Variants in PCDHGB6 observed in about 807,000 individuals in gnomAD.
PCDHGB6 encodes the protein protocadherin gamma subfamily B, 6.
PCDHGB6 carries 51 observed loss-of-function variants against 59.1 expected under a neutral mutation model. The observed-to-expected ratio is 0.86, with a 90% CI of 0.69 to 1.09. The LOEUF is 1.09. Among genes scored for constraint, PCDHGB6 ranks in the 50% least tolerant of loss-of-function variants. The pLI, the probability that PCDHGB6 is intolerant of heterozygous loss-of-function variation, is 0.00. For missense variants in PCDHGB6, 1,148 were observed against 1,205.1 expected, an observed-to-expected ratio of 0.95 and a Z score of 0.70; for synonymous variants, 466 against 495.1, an observed-to-expected ratio of 0.94 and a Z score of 0.78.
At chr5:141,426,919 C>T (rs1220443930) in intron 1 of PCDHGB6, 1 of 456,620 alleles carries the variant, frequency 2.2e-6, no homozygotes, top group African/African-American at 2.0e-5. Flanking sequence ...GTCCTGGAAG[C>T]AATGGACATG....
intron 1 of PCDHGB6, among the ~76,000 whole-genome samples, chr5:141,430,064 A>T (rs1482609618): frequency 6.6e-6 from 1 of 152,190 alleles, no homozygotes; most frequent in Non-Finnish European, 1.5e-5. Flanking sequence ...TATCATTTTT[A>T]GGTTTCCATA....
intron 1 of PCDHGB6, chr5:141,417,860 A>G (rs1168739756): frequency 7.7e-6 from 12 of 1,549,390 alleles, no homozygotes; most frequent in African/African-American, 1.4e-5. Flanking sequence ...CGAGCGAACG[A>G]TGGGAGGGAG....
intron 1 of PCDHGB6, chr5:141,471,546 G>T (rs1271594387): frequency 6.6e-6 from 1 of 152,202 alleles, no homozygotes; most frequent in African/African-American, 2.4e-5. Flanking sequence ...AGCATTTAAG[G>T]TTGCTTTGAC....
At chr5:141,414,476 C>T (rs1242647918) in intron 1 of PCDHGB6, 1 of 1,613,802 alleles carries the variant, frequency 6.2e-7, no homozygotes, top group African/African-American at 1.3e-5. Flanking sequence ...GGGGGAAGTC[C>T]TCCTCTATCA....
At chr5:141,430,713 T>G in intron 1 of PCDHGB6, 1 of 1,481,944 alleles carries the variant, frequency 6.7e-7, no homozygotes, top group Non-Finnish European at 9.0e-7. Context: ...GCTCCTGACT[T>G]CAGTGGTTAA....
chr5:141,430,967 G>A lies in PCDHGB6; in HGVS notation c.2418+20347G>A, dbSNP rs746992307. 5 of 1,613,256 alleles carry A rather than the reference G, an allele frequency of 3.1e-6. No individual in the cohort carries two copies. In the East Asian group the frequency reaches 6.7e-5, roughly 22 times the overall value. On this transcript the variant is annotated intron_variant, in intron 1 of 3. Coordinates refer to ENST00000520790, the MANE Select transcript of PCDHGB6 (RefSeq NM_018926.3). ...GCGCGGAGTCCGCATCATCCCCAGA[G>A]GTAGGACGCAGCTTTTCGCCCTGAA... is the stretch of plus-strand genomic sequence containing the variant.
chr5:141,460,128 T>C (rs10051366), intron 1 of PCDHGB6, among the ~76,000 whole-genome samples: 42,386 of 151,808 alleles, frequency 0.28, 6,635 homozygotes, highest in African/African-American at 0.43. Context: ...ATATGTAATA[T>C]ATATATTCTT....
At chr5:141,472,980 C>CAAAAAAAAAAAAAAAAGAAAA (rs2099308501) in intron 1 of PCDHGB6, among the ~76,000 whole-genome samples, 1 of 86,106 alleles carries the variant, frequency 1.2e-5, no homozygotes, top group Non-Finnish European at 2.5e-5. Context: ...GAGTGAAACT[C>CAAAAAAAAAAAAAAAAGAAAA]AAAAAAAAAA....
intron 1 of PCDHGB6, 67 bp downstream of exon 1, chr5:141,410,687 T>C: frequency 6.6e-7 from 1 of 1,518,632 alleles, no homozygotes; most frequent in Non-Finnish European, 8.8e-7. Flanking sequence ...TTAGGCATAC[T>C]ACTTTATTTT....
chr5:141,460,505 A>T (rs1430823912), intron 1 of PCDHGB6, among the ~76,000 whole-genome samples: 1 of 152,150 alleles, frequency 6.6e-6, no homozygotes, highest in Non-Finnish European at 1.5e-5. Context: ...ATATGCTGAG[A>T]AGGCTATCTT....
At chr5:141,472,347 C>G (rs992566469) in intron 1 of PCDHGB6, among the ~76,000 whole-genome samples, 11 of 152,028 alleles carry the variant, frequency 7.2e-5, no homozygotes, top group Non-Finnish European at 1.2e-4. Context: ...CGAGACCATC[C>G]TGGCTAACAC....
In PCDHGB6 at chr5:141,472,878, C is replaced by T. The variant is rs774209715; in HGVS notation, c.2419-21929C>T. ...GCACATGCCTGTATTCCCAGCTACT[C>T]GGGAGGCTGAGGCAGGAGAATTGCT... On this transcript the variant is annotated intron_variant, in intron 1 of 3. Transcript: ENST00000520790. 6.8e-5 allele frequency among the ~76,000 whole-genome samples: 10 copies of T among 146,132 alleles called. 1 individual carries two copies. The highest frequency in any genetic ancestry group is 4.2e-4 in the East Asian group (2 of 4,758).
At chr5:141,454,993 T>C (rs2098809479) in intron 1 of PCDHGB6, among the ~76,000 whole-genome samples, 1 of 151,290 alleles carries the variant, frequency 6.6e-6, no homozygotes, top group Non-Finnish European at 1.5e-5. Context: ...AAAATATTTT[T>C]AGTAGAGACG....
Position 141,511,156 on chromosome 5 carries a change from A to G in PCDHGB6, c.2776A>G (p.Lys926Glu), listed in dbSNP as rs2099883637. 6.2e-7 allele frequency: 1 copy of G among 1,614,080 alleles called. No individual in the cohort carries two copies. The highest frequency in any genetic ancestry group is 1.3e-5 in the African/African-American group (1 of 74,940). Residue 926 changes from lysine (K) to glutamate (E), a missense_variant, in exon 4 of 4, where the codon AAG (lysine) becomes GAG (glutamate). By Grantham distance (56) the Lys-to-Glu change is moderately conservative (BLOSUM62 1). Around this residue, in one of 5 missense-constraint regions of PCDHGB6, gnomAD observed 283 missense variants for 318.6 expected, o/e 0.89. Transcript: ENST00000520790. ...CAATGGCAACAAGAAGAAGTCGGGC[A>G]AGAAGGAGAAGAAGTAACATGGAGG... is the stretch of plus-strand genomic sequence containing the variant. ...GGNGNKKKSG[K>E]KEKK
At chr5:141,422,862 C>T in intron 1 of PCDHGB6, 1 of 1,614,270 alleles carries the variant, frequency 6.2e-7, no homozygotes, top group Non-Finnish European at 8.5e-7. Flanking sequence ...CCCTCAGCAG[C>T]AACGTGTCGC....
intron 2 of PCDHGB6, among the ~76,000 whole-genome samples, chr5:141,503,166 A>T (rs1246987375): frequency 1.3e-5 from 2 of 151,884 alleles, no homozygotes; most frequent in Admixed American, 1.3e-4. Context: ...CACAATTGCA[A>T]TTACTCTATT....
chr5:141,414,290 T>G (rs781378958), intron 1 of PCDHGB6: 5 of 1,613,154 alleles, frequency 3.1e-6, no homozygotes, highest in Non-Finnish European at 4.2e-6. Context: ...GTCGTAGCCC[T>G]TTTAAATGTG....
intron 1 of PCDHGB6, chr5:141,416,520 G>A (rs1209482346): frequency 6.6e-6 from 1 of 152,136 alleles, no homozygotes; most frequent in African/African-American, 2.4e-5. Context: ...TATTTCAGTG[G>A]CTCTTTAATG....
rs764337284 is a variant in PCDHGB6, at chr5:141,490,255, G to A, written c.2419-4552G>A. Reference sequence around the variant, plus strand: ...GGAGGGCCACTGTGTGATTCAAGTGGATGTGGGGGATGTCAATGACAATGC... The same window carrying A: ...GGAGGGCCACTGTGTGATTCAAGTGAATGTGGGGGATGTCAATGACAATGC... On this transcript the variant is annotated intron_variant, in intron 1 of 3. Transcript: ENST00000520790. The surrounding 1 kb of genome is among the most constrained non-coding windows in gnomAD (Gnocchi z 5.4). 6 of 1,614,118 alleles carry A rather than the reference G, an allele frequency of 3.7e-6. No individual in the cohort carries two copies. In the Admixed American group the frequency reaches 6.7e-5, roughly 18 times the overall value.
Sources: allele counts gnomAD v4.1 joint callset (sites outside exome capture counted in the v4.1 genomes callset), GRCh38; gene constraint gnomAD v4.1.1; regional missense constraint gnomAD v4.1.1; non-coding constraint Gnocchi (gnomAD v3.1); transcripts MANE v1.5; gene names NCBI Gene and HGNC (gene_info 2026-07-23, HGNC 2026-07-21).